The following FARS2 variants were observed in gnomAD, a reference collection of about 807,000 sequenced individuals.
The protein encoded by FARS2 is phenylalanine--tRNA ligase, mitochondrial.
Under a neutral mutation model 46.4 loss-of-function variants are expected in FARS2, and 40 were observed. That is an observed-to-expected ratio of 0.86 (90% CI 0.67 to 1.12). The LOEUF is 1.12. FARS2 is among the 50% of genes most tolerant of loss of function. The probability of loss-of-function intolerance (pLI) is 0.00; values close to 1 mark genes in which losing one functional copy is unlikely to be tolerated. For synonymous variants in FARS2, 234 were observed against 214.9 expected (o/e 1.09, Z -0.78); for missense variants, 513 against 567.9 (o/e 0.90, Z 0.98).
chr6:5,454,539 T>A (rs1008153763), intron 4 of FARS2, among the ~76,000 whole-genome samples: 3 of 151,922 alleles, frequency 2.0e-5, no homozygotes, highest in Admixed American at 2.0e-4. Context: ...AGATATGGGG[T>A]TTCACCGTGT....
chr6:5,622,692 A>G lies in FARS2; in HGVS notation c.1217+9372A>G, dbSNP rs565256868. 3.3e-5 allele frequency among the ~76,000 whole-genome samples: 5 copies of G among 152,266 alleles called. No homozygotes were observed. In the East Asian group the frequency reaches 9.7e-4, roughly 29 times the overall value. On this transcript the variant is annotated intron_variant, in intron 6 of 6. Transcript: ENST00000274680. ...AAGAGGAGCCAACTATGAAGTGGAG[A>G]GAGACAGCCTTCACCAGACACCAAA...
At chr6:5,407,068 A>ATATATATATATATATATATATAT (rs1562017961) in intron 3 of FARS2, among the ~76,000 whole-genome samples, 1 of 42,872 alleles carries the variant, frequency 2.3e-5, no homozygotes, top group Non-Finnish European at 4.7e-5. Context: ...TATATATATA[A>ATATATATATATATATATATATAT]TGACCAATAA....
At chr6:5,767,212 C>T (rs1376408918) in intron 6 of FARS2, among the ~76,000 whole-genome samples, 2 of 152,000 alleles carry the variant, frequency 1.3e-5, no homozygotes, top group Admixed American at 6.6e-5. Flanking sequence ...CCCTCCACCA[C>T]ACCTGGCTAA....
chr6:5,685,600 C>A (rs149869599), intron 6 of FARS2, among the ~76,000 whole-genome samples: 1 of 152,304 alleles, frequency 6.6e-6, no homozygotes, highest in East Asian at 1.9e-4. Context: ...GCAATTTAAG[C>A]CAGAGTGACT....
At chr6:5,540,612 A>G (rs1398140329) in intron 4 of FARS2, among the ~76,000 whole-genome samples, 2 of 152,238 alleles carry the variant, frequency 1.3e-5, no homozygotes, top group Non-Finnish European at 2.9e-5. Flanking sequence ...TCTCATTAGC[A>G]CAGATATATG....
At chr6:5,499,834 ATAG>A in intron 4 of FARS2, among the ~76,000 whole-genome samples, 1 of 152,222 alleles carries the variant, frequency 6.6e-6, no homozygotes. Flanking sequence ...AGTGACTCAA[ATAG>A]TAGTCACTAA....
At chr6:5,717,935 T>TAGAGAGAGAGAG (rs546191530) in intron 6 of FARS2, among the ~76,000 whole-genome samples, 4 of 135,646 alleles carry the variant, frequency 2.9e-5, no homozygotes, top group South Asian at 2.3e-4. Flanking sequence ...TATATATATA[T>TAGAGAGAGAGAG]ACAGAGTCTC....
chr6:5,417,640 C>T (rs967910638), intron 3 of FARS2, among the ~76,000 whole-genome samples: 3 of 152,110 alleles, frequency 2.0e-5, no homozygotes, highest in Admixed American at 6.5e-5. Context: ...CATAATGTGT[C>T]TCTTCTCTCT....
intron 6 of FARS2, among the ~76,000 whole-genome samples, chr6:5,613,802 C>T (rs529090466): frequency 6.6e-6 from 1 of 152,254 alleles, no homozygotes; most frequent in African/African-American, 2.4e-5. Flanking sequence ...GTGAGAGAGG[C>T]AGACGTTAAA....
chr6:5,458,868 G>T (rs1765067649), intron 4 of FARS2, among the ~76,000 whole-genome samples: 1 of 152,222 alleles, frequency 6.6e-6, no homozygotes, highest in African/African-American at 2.4e-5. Context: ...TTTGTCTGTT[G>T]TGGTGAGAAG....
intron 4 of FARS2, among the ~76,000 whole-genome samples, chr6:5,433,953 GGC>G: frequency 6.6e-6 from 1 of 152,266 alleles, no homozygotes; most frequent in African/African-American, 2.4e-5. Context: ...ACGTTAATGA[GGC>G]TGCTGTTCTG....
chr6:5,546,531 T>C (rs1582414787), intron 5 of FARS2, among the ~76,000 whole-genome samples: 1 of 151,826 alleles, frequency 6.6e-6, no homozygotes, highest in South Asian at 2.1e-4. Context: ...ATTACAGGAG[T>C]GAGCCACTGC....
chr6:5,628,804 C>T (rs1199877886), intron 6 of FARS2, among the ~76,000 whole-genome samples: 1 of 152,238 alleles, frequency 6.6e-6, no homozygotes, highest in African/African-American at 2.4e-5. Flanking sequence ...AGTCCTTCCT[C>T]AGATTCCCTA....
At chr6:5,415,133 G>C (rs1395932330) in intron 3 of FARS2, among the ~76,000 whole-genome samples, 1 of 151,010 alleles carries the variant, frequency 6.6e-6, no homozygotes, top group Non-Finnish European at 1.5e-5. Context: ...AACTTTTAAA[G>C]AAACTGTCGA....
intron 6 of FARS2, among the ~76,000 whole-genome samples, chr6:5,632,781 G>T (rs78089871): frequency 0.011 from 1,736 of 152,066 alleles, 20 homozygotes; most frequent in Middle Eastern, 0.037. Flanking sequence ...TTTATGTACT[G>T]CTTTGGAGAA....
chr6:5,562,690 A>G (rs1360123953), intron 5 of FARS2, among the ~76,000 whole-genome samples: 1 of 140,956 alleles, frequency 7.1e-6, no homozygotes, highest in Non-Finnish European at 1.5e-5. Context: ...CTCCACTGTA[A>G]TTTATACACA....
At chr6:5,678,722 G>T (rs1778885263) in intron 6 of FARS2, among the ~76,000 whole-genome samples, 1 of 152,176 alleles carries the variant, frequency 6.6e-6, no homozygotes, top group African/African-American at 2.4e-5. Flanking sequence ...GACCTACCTG[G>T]CTGAGTGGTA....
At chr6:5,290,323 C>T (rs904428694) in intron 1 of FARS2, among the ~76,000 whole-genome samples, 1 of 152,104 alleles carries the variant, frequency 6.6e-6, no homozygotes, top group Non-Finnish European at 1.5e-5. Context: ...ACTTTTTGTA[C>T]AAAGCTGGCA....
At chr6:5,476,898 A>G (rs73354497) in intron 4 of FARS2, among the ~76,000 whole-genome samples, 1,582 of 152,302 alleles carry the variant, frequency 0.01, 34 homozygotes, top group African/African-American at 0.036. Context: ...CTGGAAAACA[A>G]GGAAGTGTAT....
Sources: gnomAD v4.1 joint callset for allele counts (sites outside exome capture counted in the v4.1 genomes callset) on GRCh38, gnomAD v4.1.1 for gene constraint, MANE v1.5 for transcripts, NCBI Gene and HGNC (gene_info 2026-07-23, HGNC 2026-07-21) for gene names.